Variants in WDR47 observed in about 807,000 individuals in gnomAD.
The protein encoded by WDR47 is WD repeat domain 47, also known as WD repeat-containing protein 47.
WDR47 carries 32 observed loss-of-function variants against 97.2 expected under a neutral mutation model. That is an observed-to-expected ratio of 0.33 (90% confidence interval 0.25 to 0.44). The LOEUF (loss-of-function observed/expected upper bound fraction) is 0.44, where lower values mean the gene tolerates loss of function less well. Among genes scored for constraint, WDR47 ranks in the 20% least tolerant of loss-of-function variants. The pLI is 1.00. For synonymous variants in WDR47, 375 were observed against 373.5 expected (o/e 1.00, Z -0.05); for missense variants, 782 against 1,102.3 (o/e 0.71, Z 4.11).
intron 8 of WDR47, among the ~76,000 whole-genome samples, chr1:108,994,006 C>G (rs1557929077): frequency 1.3e-5 from 2 of 152,096 alleles, no homozygotes; most frequent in African/African-American, 4.8e-5. Flanking sequence ...CACACTGATA[C>G]TGATTTAAAC....
intron 13 of WDR47, among the ~76,000 whole-genome samples, chr1:108,977,518 C>T (rs1288035870): frequency 6.6e-6 from 1 of 152,042 alleles, no homozygotes; most frequent in African/African-American, 2.4e-5. Context: ...TGTTATATAC[C>T]ATGTTTGGTG....
intron 1 of WDR47, among the ~76,000 whole-genome samples, chr1:109,032,807 A>G (rs1372034436): frequency 2.0e-5 from 3 of 148,996 alleles, no homozygotes; most frequent in Non-Finnish European, 4.5e-5. Flanking sequence ...TGAGGCAGGA[A>G]TATTGCTTGA....
chr1:109,018,905 CA>C (rs571330486), intron 2 of WDR47, among the ~76,000 whole-genome samples: 1 of 151,916 alleles, frequency 6.6e-6, no homozygotes, highest in Non-Finnish European at 1.5e-5. Flanking sequence ...CCCATCTCTA[CA>C]AAAAATTTAA....
intron 7 of WDR47, among the ~76,000 whole-genome samples, chr1:108,998,140 T>C (rs1659903098): frequency 6.6e-6 from 1 of 152,170 alleles, no homozygotes; most frequent in Non-Finnish European, 1.5e-5. Context: ...ATCTTTTTTA[T>C]ACTCCCCATA....
chr1:109,015,401 G>GC (rs1437671505), intron 3 of WDR47, among the ~76,000 whole-genome samples: 1 of 152,060 alleles, frequency 6.6e-6, no homozygotes. Flanking sequence ...TCGGCTCACT[G>GC]CAACCCCTGC....
chr1:109,012,572 C>CAAAAAAAAAAAAAAAAAAAAAAAAAAAAA (rs57237933), intron 4 of WDR47, among the ~76,000 whole-genome samples: 2 of 73,852 alleles, frequency 2.7e-5, no homozygotes, highest in African/African-American at 1.2e-4. Context: ...GACTCCATCT[C>CAAAAAAAAAAAAAAAAAAAAAAAAAAAAA]AAAAAAAAAA....
chr1:109,032,632 T>C (rs188993102), intron 1 of WDR47, among the ~76,000 whole-genome samples: 1,932 of 152,100 alleles, frequency 0.013, 23 homozygotes, highest in Admixed American at 0.028. Flanking sequence ...GCATGGTGGC[T>C]CACACCTGTA....
intron 9 of WDR47, among the ~76,000 whole-genome samples, chr1:108,987,875 C>T (rs936829230): frequency 6.6e-6 from 1 of 151,964 alleles, no homozygotes; most frequent in African/African-American, 2.4e-5. Flanking sequence ...TTTTTCATTA[C>T]TCATTGCTAA....
In WDR47 at chr1:109,023,232, A is replaced by T. The variant is rs1035309162; in HGVS notation, c.158+123T>A. On this transcript the variant is annotated intron_variant, in intron 2 of 14. Transcript: ENST00000369962. ...AATAAAATAAAATAAAATATTTTTT[A>T]AAATTATACTTACATAGCCTTTTCA... 3.1e-5 allele frequency: 29 copies of T among 930,278 alleles called. No homozygotes were observed. The East Asian group carries it at 5.5e-4, about 18-fold the overall frequency. 57.6% of individuals were successfully genotyped at this position (930,278 alleles called of 1,614,324 possible).
intron 9 of WDR47, among the ~76,000 whole-genome samples, chr1:108,989,105 AAG>A (rs1659106451): frequency 6.6e-6 from 1 of 152,136 alleles, no homozygotes; most frequent in African/African-American, 2.4e-5. Context: ...CTCTCTTCTG[AAG>A]AGAGATGCTG....
chr1:109,034,010 G>T (rs1662773457), intron 1 of WDR47, among the ~76,000 whole-genome samples: 1 of 152,226 alleles, frequency 6.6e-6, no homozygotes, highest in Admixed American at 6.5e-5. Flanking sequence ...AAATGTTGGT[G>T]AAGCATGATG....
chr1:109,023,094 G>A (rs1197296215), intron 2 of WDR47, among the ~76,000 whole-genome samples: 2 of 151,508 alleles, frequency 1.3e-5, no homozygotes, highest in African/African-American at 2.4e-5. Flanking sequence ...TCCCAGCTAC[G>A]CAGGAGGCTG....
chr1:108,973,039 C>A (rs1657602279), intron 14 of WDR47, among the ~76,000 whole-genome samples: 1 of 151,762 alleles, frequency 6.6e-6, no homozygotes, highest in Non-Finnish European at 1.5e-5. Flanking sequence ...GGCACATTGG[C>A]TTCCTGTAGT....
chr1:109,000,455 G>C (rs916596926), intron 7 of WDR47, among the ~76,000 whole-genome samples: 4 of 138,058 alleles, frequency 2.9e-5, no homozygotes, highest in African/African-American at 1.1e-4. Context: ...GTTGCAGTGA[G>C]CCGAGATCGC....
At chr1:109,006,888 A>G (rs1660663680) in intron 5 of WDR47, among the ~76,000 whole-genome samples, 1 of 152,156 alleles carries the variant, frequency 6.6e-6, no homozygotes, top group Admixed American at 6.6e-5. Context: ...TGTTCACCAT[A>G]GCAGTTCAAT....
intron 3 of WDR47, among the ~76,000 whole-genome samples, chr1:109,015,626 C>A (rs2101964803): frequency 6.6e-6 from 1 of 151,618 alleles, no homozygotes; most frequent in South Asian, 2.1e-4. Flanking sequence ...CCACGCCTGG[C>A]CTCAAAAAAT....
At chr1:109,028,867 TAATA>T (rs1263512149) in intron 1 of WDR47, among the ~76,000 whole-genome samples, 1 of 152,162 alleles carries the variant, frequency 6.6e-6, no homozygotes, top group Non-Finnish European at 1.5e-5. Flanking sequence ...AGTTCAACGG[TAATA>T]AATAAATCTA....
At chr1:109,010,128 CATGT>C (rs1457836844) in intron 5 of WDR47, among the ~76,000 whole-genome samples, 2 of 152,160 alleles carry the variant, frequency 1.3e-5, no homozygotes, top group African/African-American at 4.8e-5. Context: ...CTTCACAGCA[CATGT>C]ATTATATCTA....
Position 108,971,401 on chromosome 1 carries a change from T to C in WDR47, c.*29A>G. The C allele has an allele frequency of 1.9e-6, 3 of 1,613,224 alleles. No homozygotes were observed. The highest frequency in any genetic ancestry group is 2.5e-6 in the Non-Finnish European group (3 of 1,179,532). On this transcript the variant is annotated 3_prime_UTR_variant, in exon 15 of 15. Transcript: ENST00000369962. ...TCAGTAGTCTTAAGTCTCTGTGCTT[T>C]TGCTGCATAGACTGACATGCGGTGT... is the stretch of plus-strand genomic sequence containing the variant.
Sources: allele counts gnomAD v4.1 joint callset (sites outside exome capture counted in the v4.1 genomes callset), GRCh38; gene constraint gnomAD v4.1.1; transcripts MANE v1.5; gene names NCBI Gene and HGNC (gene_info 2026-07-23, HGNC 2026-07-21).